WDR35: variants seen among roughly 807,000 people sequenced by gnomAD.
WDR35 encodes WD repeat-containing protein 35.
In WDR35, 118 loss-of-function variants were observed where a neutral mutation model predicts 158.3. The ratio of observed to expected loss-of-function variants is 0.75; its 90% CI spans 0.64 to 0.87. The LOEUF is 0.87. Ranked by LOEUF, WDR35 falls within the 40% of genes least tolerant of loss-of-function variation. The probability of loss-of-function intolerance (pLI) is 0.00; values close to 1 mark genes in which losing one functional copy is unlikely to be tolerated. For synonymous variants in WDR35, 448 were observed against 476.1 expected (o/e 0.94, Z 0.77); for missense variants, 1,263 against 1,405.8 (o/e 0.90, Z 1.62).
At chr2:19,970,427 T>C (rs1672002679) in intron 8 of WDR35, among the ~76,000 whole-genome samples, 1 of 152,162 alleles carries the variant, frequency 6.6e-6, no homozygotes, top group South Asian at 2.1e-4. Flanking sequence ...GGTAATAGCT[T>C]CCTAACTTTA....
At chr2:19,915,017 T>C (rs1412820512) in intron 25 of WDR35, among the ~76,000 whole-genome samples, 1 of 152,008 alleles carries the variant, frequency 6.6e-6, no homozygotes, top group Non-Finnish European at 1.5e-5. Context: ...CAAACCACCA[T>C]GGCACATGTA....
intron 10 of WDR35, among the ~76,000 whole-genome samples, 183 bp from the exon 11 acceptor site, chr2:19,960,797 G>A (rs1366623476): frequency 6.6e-6 from 1 of 152,114 alleles, no homozygotes. Context: ...TAAATATAAA[G>A]AAAGATCAGT....
At chr2:19,983,999 A>G (rs1672468913) in intron 2 of WDR35, among the ~76,000 whole-genome samples, 1 of 134,348 alleles carries the variant, frequency 7.4e-6, no homozygotes, top group Non-Finnish European at 1.5e-5. Flanking sequence ...ATCCATTCTA[A>G]TGCATATATA....
intron 15 of WDR35, 23 bp from the exon 16 acceptor site, chr2:19,946,019 A>T (rs771237788): frequency 6.2e-7 from 1 of 1,608,940 alleles, no homozygotes; most frequent in Non-Finnish European, 8.5e-7. Context: ...CAATTAGAGA[A>T]AAGGAAAAAA....
At chr2:19,937,040 C>T (rs1344917624) in intron 19 of WDR35, among the ~76,000 whole-genome samples, 1 of 152,174 alleles carries the variant, frequency 6.6e-6, no homozygotes, top group Non-Finnish European at 1.5e-5. Flanking sequence ...AAACAAAACA[C>T]AGTGTTAACA....
intron 25 of WDR35, among the ~76,000 whole-genome samples, chr2:19,916,308 C>T (rs578000133): frequency 6.6e-5 from 10 of 152,324 alleles, no homozygotes; most frequent in South Asian, 2.1e-4. Flanking sequence ...CAAAACTGGG[C>T]GGCCGTTTGA....
intron 25 of WDR35, among the ~76,000 whole-genome samples, chr2:19,927,881 C>T (rs1302687479): frequency 2.0e-5 from 3 of 152,188 alleles, no homozygotes; most frequent in Non-Finnish European, 4.4e-5. Context: ...TGCTTTTAAT[C>T]TGTGTTGTTT....
At position 19,966,785 on chromosome 2, in the gene WDR35, G is replaced by T; in HGVS notation, c.1133C>A (p.Ser378Tyr). ...KYVKYVKGLI[S>Y]ITTCGDFCIL... is the part of the protein sequence containing the mutation. Reference sequence around the variant, plus strand: ...GCAGAAATCTCCACAGGTAGTAATAGAAATGAGACCCTTCACATATTTAAC... The same window carrying T: ...GCAGAAATCTCCACAGGTAGTAATATAAATGAGACCCTTCACATATTTAAC... Residue 378 changes from serine to tyrosine, a missense_variant, in exon 10 of 27, where the codon TCT becomes TAT. Ser to Tyr is a moderately radical substitution (Grantham distance 144). Coordinates refer to ENST00000281405, the MANE Select transcript of WDR35 (RefSeq NM_020779.4). 6.2e-7 allele frequency: 1 copy of T among 1,614,010 alleles called. No homozygotes were observed. The highest frequency in any genetic ancestry group is 8.5e-7 in the Non-Finnish European group (1 of 1,179,952).
At chr2:19,924,762 G>A (rs114030247) in intron 25 of WDR35, among the ~76,000 whole-genome samples, 3,358 of 152,258 alleles carry the variant, frequency 0.022, 50 homozygotes, top group Admixed American at 0.04. Flanking sequence ...GCAATGGCAG[G>A]ACTAAGAGTG....
At chr2:19,928,610 T>G (rs941971766) in intron 25 of WDR35, among the ~76,000 whole-genome samples, 2 of 152,072 alleles carry the variant, frequency 1.3e-5, no homozygotes, top group South Asian at 2.1e-4. Flanking sequence ...TTAACAAACT[T>G]GAAGGAATTC....
Position 19,951,123 on chromosome 2 carries a change from T to C in WDR35, c.1470+292A>G, listed in dbSNP as rs998514918. Among the ~76,000 whole-genome samples, 9 of 152,254 alleles carry C rather than the reference T, an allele frequency of 5.9e-5. No homozygotes were observed. The East Asian group carries it at 1.2e-3, about 20-fold the overall frequency. ...GTCAACTGATAGACAGATAAAGAGA[T>C]AGACAGATGGGAAGGTGTGAGGAGG... On this transcript the variant is annotated intron_variant, in intron 13 of 26. Transcript: ENST00000281405.
At chr2:19,914,934 T>C (rs1180292680) in intron 25 of WDR35, among the ~76,000 whole-genome samples, 3 of 151,632 alleles carry the variant, frequency 2.0e-5, no homozygotes, top group African/African-American at 7.3e-5. Flanking sequence ...CTTGGGCCTG[T>C]TGGGGGTGGG....
At chr2:19,920,028 C>T (rs1333070872) in intron 25 of WDR35, among the ~76,000 whole-genome samples, 2 of 152,064 alleles carry the variant, frequency 1.3e-5, no homozygotes, top group Admixed American at 6.6e-5. Flanking sequence ...AAGACTAAAC[C>T]AGGAAGAAGT....
Position 19,913,381 on chromosome 2 carries a change from A to G in WDR35, c.*177T>C. 1 of 641,442 alleles carries G rather than the reference A, an allele frequency of 1.6e-6. No individual in the cohort carries two copies. Among genetic ancestry groups the G allele is most frequent in the Non-Finnish European group, 2.5e-6 (1 of 404,740 alleles). 39.7% of individuals were successfully genotyped at this position (641,442 alleles called of 1,614,324 possible). A position where few individuals can be genotyped will look rare whatever the true frequency, so the allele number is the denominator to read the frequency against. ...ATGAAAATCGGCCTTATTATTTCACAGTTGTATTGCCATAAAAATTATTTT... is the reference window on the plus strand; with the variant it reads ...ATGAAAATCGGCCTTATTATTTCACGGTTGTATTGCCATAAAAATTATTTT... On this transcript the variant is annotated 3_prime_UTR_variant, in exon 27 of 27. Coordinates refer to ENST00000281405, the MANE Select transcript of WDR35 (RefSeq NM_020779.4).
chr2:19,973,674 T>C lies in WDR35; in HGVS notation c.771A>G (p.Val257=). The change falls in exon 8 of 27, where the codon GTA becomes GTG. Residue 257 remains valine (V), a synonymous_variant. Coordinates refer to ENST00000281405, the MANE Select transcript of WDR35 (RefSeq NM_020779.4). ...PVLIDTGMYV[V]GIQWNHMGSV... ...TGCCCATGTGGTTCCACTGGATGCC[T>C]ACTACGTACATGCCAGTGTCAATCA... is the stretch of plus-strand genomic sequence containing the variant. 6.2e-7 allele frequency: 1 copy of C among 1,614,072 alleles called. No homozygotes were observed. The highest frequency in any genetic ancestry group is 2.2e-5 in the East Asian group (1 of 44,894).
intron 25 of WDR35, among the ~76,000 whole-genome samples, chr2:19,929,771 T>C (rs1318355822): frequency 6.6e-6 from 1 of 152,176 alleles, no homozygotes; most frequent in Non-Finnish European, 1.5e-5. Flanking sequence ...AAAGGAAGTT[T>C]ACCCAAACCT....
chr2:19,974,149 G>A (rs182090648), intron 7 of WDR35, among the ~76,000 whole-genome samples: 2,988 of 151,918 alleles, frequency 0.02, 92 homozygotes, highest in African/African-American at 0.067. Flanking sequence ...AGTGGCTCAC[G>A]CCTGTAATCC....
chr2:19,985,899 GAAAAAAAAAA>G (rs70939024), intron 2 of WDR35, among the ~76,000 whole-genome samples: 3 of 71,166 alleles, frequency 4.2e-5, no homozygotes, highest in African/African-American at 5.2e-5. Flanking sequence ...CCCATCTCGG[GAAAAAAAAAA>G]AAAAAAAAAA....
chr2:19,955,825 A>G (rs1024113769), intron 11 of WDR35, among the ~76,000 whole-genome samples: 10 of 152,224 alleles, frequency 6.6e-5, no homozygotes, highest in African/African-American at 2.2e-4. Context: ...GTCTGATGGT[A>G]TGATGTTAAT....
Sources: gnomAD v4.1 joint callset for allele counts (sites outside exome capture counted in the v4.1 genomes callset) on GRCh38, gnomAD v4.1.1 for gene constraint, MANE v1.5 for transcripts, NCBI Gene and HGNC (gene_info 2026-07-23, HGNC 2026-07-21) for gene names.